The following CHRM3 variants were observed in gnomAD, a reference collection of about 807,000 sequenced individuals.
The protein encoded by CHRM3 is cholinergic receptor muscarinic 3.
CHRM3 carries 11 observed loss-of-function variants against 41.8 expected under a neutral mutation model. The observed-to-expected ratio is 0.26, with a 90% confidence interval of 0.17 to 0.44. The LOEUF is 0.44. Ranked by LOEUF, CHRM3 falls within the 20% of genes least tolerant of loss-of-function variation. The pLI, the probability that CHRM3 is intolerant of heterozygous loss-of-function variation, is 1.00. For synonymous variants in CHRM3, 297 were observed against 301.4 expected, an observed-to-expected ratio of 0.99 and a Z score of 0.15; for missense variants, 571 against 745.4, an observed-to-expected ratio of 0.77 and a Z score of 2.72.
At chr1:239,441,842 C>T (rs1663748553) in intron 1 of CHRM3, among the ~76,000 whole-genome samples, 1 of 152,216 alleles carries the variant, frequency 6.6e-6, no homozygotes, top group Non-Finnish European at 1.5e-5. Context: ...AATCCATACA[C>T]TTCTTATCAG....
chr1:239,426,508 C>A (rs6429137), intron 1 of CHRM3, among the ~76,000 whole-genome samples: 84,116 of 149,390 alleles, frequency 0.56, 23,894 homozygotes, highest in South Asian at 0.63. Context: ...CCAAACCAAA[C>A]CAAAACAAAA....
chr1:239,590,228 T>A (rs1663969353), intron 3 of CHRM3, among the ~76,000 whole-genome samples: 1 of 152,194 alleles, frequency 6.6e-6, no homozygotes, highest in Non-Finnish European at 1.5e-5. Context: ...TGTTTGTTGA[T>A]GAAATGATTG....
At chr1:239,755,231 A>G (rs1666145727) in intron 5 of CHRM3, among the ~76,000 whole-genome samples, 1 of 152,182 alleles carries the variant, frequency 6.6e-6, no homozygotes, top group African/African-American at 2.4e-5. Flanking sequence ...TGTTGTGATC[A>G]ACATTCTGAA....
chr1:239,416,403 G>C (rs559485298), intron 1 of CHRM3, among the ~76,000 whole-genome samples: 1 of 151,852 alleles, frequency 6.6e-6, no homozygotes, highest in African/African-American at 2.4e-5. Flanking sequence ...ACTTCTGACA[G>C]ATATTTTATC....
intron 5 of CHRM3, among the ~76,000 whole-genome samples, chr1:239,738,858 G>A (rs568144386): frequency 7.2e-5 from 11 of 152,274 alleles, no homozygotes; most frequent in African/African-American, 2.6e-4. Flanking sequence ...CTCCATGCAT[G>A]GTCCTGGAAA....
At chr1:239,672,077 G>C (rs2149062136) in intron 4 of CHRM3, among the ~76,000 whole-genome samples, 1 of 152,170 alleles carries the variant, frequency 6.6e-6, no homozygotes, top group East Asian at 1.9e-4. Context: ...CACAAGACAG[G>C]GATCCATTTC....
chr1:239,721,101 A>G (rs369435122), intron 5 of CHRM3, among the ~76,000 whole-genome samples: 2 of 152,026 alleles, frequency 1.3e-5, no homozygotes, highest in African/African-American at 4.8e-5. Context: ...AGGAATGGAA[A>G]TGTGTCAAAA....
At chr1:239,722,055 G>A (rs1183649706) in intron 5 of CHRM3, among the ~76,000 whole-genome samples, 3 of 151,784 alleles carry the variant, frequency 2.0e-5, no homozygotes, top group Middle Eastern at 6.3e-3. Flanking sequence ...TCAGCTTTTG[G>A]TTCATGGGAC....
At chr1:239,610,411 G>T (rs1195926210) in intron 3 of CHRM3, among the ~76,000 whole-genome samples, 1 of 151,986 alleles carries the variant, frequency 6.6e-6, no homozygotes, top group Non-Finnish European at 1.5e-5. Flanking sequence ...TCTCACATTT[G>T]ATTATAATTT....
At chr1:239,743,340 G>A (rs768164751) in intron 5 of CHRM3, among the ~76,000 whole-genome samples, 247 of 152,270 alleles carry the variant, frequency 1.6e-3, no homozygotes, top group Non-Finnish European at 2.9e-3. Context: ...CAAGGGACAT[G>A]TCTTATTTGA....
intron 3 of CHRM3, among the ~76,000 whole-genome samples, chr1:239,569,493 G>A (rs1393904040): frequency 3.3e-5 from 5 of 152,058 alleles, no homozygotes; most frequent in Non-Finnish European, 7.4e-5. Flanking sequence ...AAATTAGTAG[G>A]AAATACATTT....
At chr1:239,786,950 A>G (rs1218240625) in intron 5 of CHRM3, among the ~76,000 whole-genome samples, 1 of 152,200 alleles carries the variant, frequency 6.6e-6, no homozygotes, top group Non-Finnish European at 1.5e-5. Flanking sequence ...AAACTCAATG[A>G]TAAATTTATA....
chr1:239,782,054 C>T (rs1002413945), intron 5 of CHRM3, among the ~76,000 whole-genome samples: 9 of 151,976 alleles, frequency 5.9e-5, no homozygotes, highest in Middle Eastern at 3.4e-3. Context: ...TGTTCTTAAG[C>T]AATACTGGTC....
intron 3 of CHRM3, among the ~76,000 whole-genome samples, chr1:239,611,192 T>C (rs1666989747): frequency 6.6e-6 from 1 of 152,200 alleles, no homozygotes; most frequent in Non-Finnish European, 1.5e-5. Flanking sequence ...TTTATTTCCC[T>C]TTCTGAGCAA....
intron 3 of CHRM3, among the ~76,000 whole-genome samples, chr1:239,631,695 G>A (rs1669853149): frequency 6.6e-6 from 1 of 152,186 alleles, no homozygotes; most frequent in Non-Finnish European, 1.5e-5. Context: ...TGTCTGAAGT[G>A]GAGTTAGGGG....
At chr1:239,422,669 CCTGTAGTCCCAGCTA>C (rs1268707097) in intron 1 of CHRM3, among the ~76,000 whole-genome samples, 1 of 151,820 alleles carries the variant, frequency 6.6e-6, no homozygotes, top group Non-Finnish European at 1.5e-5. Flanking sequence ...GTGGCGTGTG[CCTGTAGTCCCAGCTA>C]CTCAGGAGGC....
intron 1 of CHRM3, among the ~76,000 whole-genome samples, chr1:239,470,178 A>G (rs1666018558): frequency 6.6e-6 from 1 of 152,180 alleles, no homozygotes; most frequent in Admixed American, 6.5e-5. Context: ...GACCCAGAGG[A>G]GAACACAGAG....
At chr1:239,444,954 A>T (rs1187178426) in intron 1 of CHRM3, among the ~76,000 whole-genome samples, 4 of 152,202 alleles carry the variant, frequency 2.6e-5, no homozygotes, top group African/African-American at 9.7e-5. Context: ...CAGTAAAGAC[A>T]AGAAGAGAGG....
rs201799973 is a variant in CHRM3, at chr1:239,908,653, T to C, written c.1202T>C (p.Leu401Ser). 5.6e-6 allele frequency: 9 copies of C among 1,612,498 alleles called. No homozygotes were observed. The highest frequency in any genetic ancestry group is 1.3e-5 in the African/African-American group (1 of 74,972). ...GAGGAGGAGCTGGGGATGGTGGACTTGGAGAGGAAAGCCGACAAGCTGCAG... is the reference window on the plus strand; with the variant it reads ...GAGGAGGAGCTGGGGATGGTGGACTCGGAGAGGAAAGCCGACAAGCTGCAG... ...VPEEELGMVD[L>S]ERKADKLQAQ... Residue 401 changes from leucine to serine, a missense_variant, in exon 7 of 7, where the codon TTG becomes TCG. This residue lies in a region of CHRM3 where 239 missense variants were observed against 239.6 expected (regional missense o/e 1.00). Transcript: ENST00000676153. This position sits in a 1 kb window ranked among gnomAD's most constrained non-coding sequence, Gnocchi z 7.2.
Sources: allele counts gnomAD v4.1 joint callset (sites outside exome capture counted in the v4.1 genomes callset), GRCh38; gene constraint gnomAD v4.1.1; regional missense constraint gnomAD v4.1.1; non-coding constraint Gnocchi (gnomAD v3.1); transcripts MANE v1.5; gene names NCBI Gene and HGNC (gene_info 2026-07-23, HGNC 2026-07-21).